The following DLG2 variants were observed in gnomAD, a reference collection of about 807,000 sequenced individuals.
The protein encoded by DLG2 is disks large homolog 2.
DLG2 carries 45 observed loss-of-function variants against 132.5 expected under a neutral mutation model. The ratio of observed to expected loss-of-function variants is 0.34; its 90% CI spans 0.27 to 0.44. The LOEUF is 0.44. Ranked by LOEUF, DLG2 falls within the 20% of genes least tolerant of loss-of-function variation. The pLI is 1.00. For missense variants in DLG2, 1,045 were observed against 1,196.9 expected (o/e 0.87, Z 1.87); for synonymous variants, 424 against 419.6 (o/e 1.01, Z -0.13).
intron 3 of DLG2, among the ~76,000 whole-genome samples, chr11:85,321,010 AAAAATAAAAT>A (rs201924335): frequency 6.6e-5 from 10 of 151,972 alleles, no homozygotes; most frequent in East Asian, 1.9e-4. Flanking sequence ...GTATGGTCCA[AAAAATAAAAT>A]AAAATAAAAT....
chr11:84,186,840 T>C (rs1452775602), intron 8 of DLG2, among the ~76,000 whole-genome samples: 1 of 151,988 alleles, frequency 6.6e-6, no homozygotes, highest in Non-Finnish European at 1.5e-5. Flanking sequence ...AAAATTATTT[T>C]TGAACCAGAA....
chr11:85,529,825 G>T (rs764121989), intron 3 of DLG2, among the ~76,000 whole-genome samples: 8 of 152,004 alleles, frequency 5.3e-5, no homozygotes, highest in Non-Finnish European at 8.8e-5. Flanking sequence ...AACAACAAAG[G>T]CTCCCAGACA....
intron 15 of DLG2, among the ~76,000 whole-genome samples, chr11:83,879,537 G>C (rs150079241): frequency 6.6e-6 from 1 of 151,212 alleles, no homozygotes; most frequent in South Asian, 2.1e-4. Flanking sequence ...TTAATATAGC[G>C]CATGCATTAA....
intron 7 of DLG2, among the ~76,000 whole-genome samples, chr11:84,391,233 AG>A (rs1389208876): frequency 1.3e-5 from 2 of 152,198 alleles, no homozygotes; most frequent in African/African-American, 4.8e-5. Context: ...TGATATGGGA[AG>A]ATCTTGACGA....
At chr11:84,585,839 T>C (rs1013668214) in intron 6 of DLG2, among the ~76,000 whole-genome samples, 4 of 152,228 alleles carry the variant, frequency 2.6e-5, no homozygotes, top group Non-Finnish European at 4.4e-5. Context: ...TAGTAATTTT[T>C]TAACTCTTGA....
intron 7 of DLG2, among the ~76,000 whole-genome samples, chr11:84,315,050 G>A (rs1037381038): frequency 2.6e-5 from 4 of 152,146 alleles, no homozygotes; most frequent in Non-Finnish European, 5.9e-5. Flanking sequence ...ATGTGAATGG[G>A]AGGGAAAATG....
At chr11:83,905,806 C>T (rs1470761536) in intron 15 of DLG2, among the ~76,000 whole-genome samples, 1 of 152,060 alleles carries the variant, frequency 6.6e-6, no homozygotes, top group Non-Finnish European at 1.5e-5. Context: ...TCACCTTTGA[C>T]GTAAGCCATT....
intron 17 of DLG2, among the ~76,000 whole-genome samples, chr11:83,822,094 C>A (rs1197965423): frequency 3.3e-5 from 5 of 152,128 alleles, no homozygotes; most frequent in Admixed American, 3.3e-4. Context: ...CTGGGCAGAC[C>A]TAGAGTCCAG....
chr11:84,136,668 G>T (rs528141778), intron 9 of DLG2, among the ~76,000 whole-genome samples: 2 of 152,034 alleles, frequency 1.3e-5, no homozygotes, highest in Non-Finnish European at 2.9e-5. Flanking sequence ...AAATATGACC[G>T]TAAACAGTGG....
intron 18 of DLG2, among the ~76,000 whole-genome samples, chr11:83,770,374 A>T (rs1474641162): frequency 6.6e-6 from 1 of 151,824 alleles, no homozygotes; most frequent in Non-Finnish European, 1.5e-5. Context: ...AAGGTGTGTT[A>T]AGTAGGCAAA....
At chr11:83,844,186 A>G (rs2058155988) in intron 16 of DLG2, among the ~76,000 whole-genome samples, 1 of 152,150 alleles carries the variant, frequency 6.6e-6, no homozygotes, top group Non-Finnish European at 1.5e-5. Flanking sequence ...GTACAAAAAT[A>G]TTAGCACTTC....
chr11:84,750,226 T>C (rs1302266931), intron 6 of DLG2, among the ~76,000 whole-genome samples: 1 of 152,152 alleles, frequency 6.6e-6, no homozygotes, highest in Non-Finnish European at 1.5e-5. Context: ...CATAGGTAAA[T>C]GTGTGCCATG....
At chr11:84,614,381 G>A (rs1046817842) in intron 6 of DLG2, among the ~76,000 whole-genome samples, 1 of 152,164 alleles carries the variant, frequency 6.6e-6, no homozygotes, top group African/African-American at 2.4e-5. Context: ...AAGAAGACAT[G>A]TAAAAGCCTG....
intron 3 of DLG2, among the ~76,000 whole-genome samples, chr11:85,509,499 G>C (rs767852419): frequency 6.6e-6 from 1 of 152,010 alleles, no homozygotes; most frequent in Non-Finnish European, 1.5e-5. Context: ...GCTCTGGTTT[G>C]TCAGAGGAAA....
At chr11:83,516,618 C>T (rs908458889) in intron 21 of DLG2, among the ~76,000 whole-genome samples, 3 of 152,206 alleles carry the variant, frequency 2.0e-5, no homozygotes, top group African/African-American at 7.2e-5. Context: ...TCCTCTTAGC[C>T]TCAACGGTCT....
intron 3 of DLG2, among the ~76,000 whole-genome samples, chr11:85,436,777 A>G (rs1437901210): frequency 6.6e-6 from 1 of 152,258 alleles, no homozygotes; most frequent in Non-Finnish European, 1.5e-5. Context: ...CAGAAATACC[A>G]TTCGACCTAG....
intron 6 of DLG2, among the ~76,000 whole-genome samples, chr11:84,566,026 T>A (rs2099453618): frequency 6.6e-6 from 1 of 151,508 alleles, no homozygotes; most frequent in African/African-American, 2.4e-5. Context: ...TGGCATTATC[T>A]CTGCTCACTG....
intron 9 of DLG2, among the ~76,000 whole-genome samples, chr11:84,100,865 T>C (rs1405681115): frequency 6.6e-6 from 1 of 152,136 alleles, no homozygotes; most frequent in Non-Finnish European, 1.5e-5. Flanking sequence ...ACTAAATTTA[T>C]AAAACTGATT....
chr11:84,801,061 A>T, intron 6 of DLG2, among the ~76,000 whole-genome samples: 1 of 152,164 alleles, frequency 6.6e-6, no homozygotes, highest in East Asian at 1.9e-4. Flanking sequence ...TATCTGCACC[A>T]AGCATGAGGC....
Sources: allele counts gnomAD v4.1 joint callset (sites outside exome capture counted in the v4.1 genomes callset), GRCh38; gene constraint gnomAD v4.1.1; transcripts MANE v1.5; gene names NCBI Gene and HGNC (gene_info 2026-07-23, HGNC 2026-07-21).